Variants in PIDD1 observed in about 807,000 individuals in gnomAD.
PIDD1 encodes the protein p53-induced death domain-containing protein 1.
A neutral mutation model predicts 80.0 loss-of-function variants in PIDD1; 72 were observed. The ratio of observed to expected loss-of-function variants is 0.90; its 90% CI spans 0.74 to 1.09. The LOEUF (loss-of-function observed/expected upper bound fraction) is 1.09. Ranked by LOEUF, PIDD1 falls within the 50% of genes least tolerant of loss-of-function variation. The probability of loss-of-function intolerance (pLI) is 0.00; values close to 1 mark genes in which losing one functional copy is unlikely to be tolerated. For missense variants in PIDD1, 1,329 were observed against 1,228.3 expected (o/e 1.08, Z -1.23); for synonymous variants, 655 against 543.5 (o/e 1.21, Z -2.85).
chr11:802,374 A>T lies in PIDD1; in HGVS notation c.997T>A (p.Cys333Ser), dbSNP rs1346475443. Residue 333 changes from cysteine (C) to serine (S), a missense_variant, in exon 6 of 16, where the codon TGC becomes AGC. Coordinates refer to ENST00000347755, the MANE Select transcript of PIDD1 (RefSeq NM_145886.4). ...LDSFPVTPQG[C>S]SVTLACGVRL... Reference sequence around the variant, plus strand: ...ACGCCACAGGCCAGGGTCACTGAGCAGCCTTGAGGGGTCACAGGAAAGCTG... The same window carrying T: ...ACGCCACAGGCCAGGGTCACTGAGCTGCCTTGAGGGGTCACAGGAAAGCTG... 1 of 1,611,976 alleles carries T rather than the reference A, an allele frequency of 6.2e-7. No homozygotes were observed. The highest frequency in any genetic ancestry group is 8.5e-7 in the Non-Finnish European group (1 of 1,179,862).
chr11:807,778 A>AAAAT (rs1049386144), upstream of PIDD1, among the ~76,000 whole-genome samples: 10 of 152,218 alleles, frequency 6.6e-5, no homozygotes, highest in Non-Finnish European at 1.5e-4. Flanking sequence ...CTCAGTCTCA[A>AAAAT]AAATAAATAA....
Position 801,339 on chromosome 11 carries a change from C to G in PIDD1, c.1509G>C (p.Leu503=), listed in dbSNP as rs1379223159. 1.2e-6 allele frequency: 2 copies of G among 1,608,908 alleles called. No individual in the cohort carries two copies. Among genetic ancestry groups the G allele is most frequent in the Non-Finnish European group, 1.7e-6 (2 of 1,177,848 alleles). The part of the protein sequence containing the change: ...MQVVRMAGRE[L]QALLGEPEAA... ...CCTCTGGTTCTCCCAGGAGGGCCTG[C>G]AGCTCTCGGCCAGCCATGCGCACCA... The change falls in exon 9 of 16, where the codon CTG becomes CTC. Residue 503 remains leucine, a synonymous_variant. Coordinates refer to ENST00000347755, the MANE Select transcript of PIDD1 (RefSeq NM_145886.4).
At position 801,029 on chromosome 11, in the gene PIDD1, C is replaced by T. The variant is rs142782529; in HGVS notation, c.1722G>A (p.Glu574=). The T allele has an allele frequency of 8.4e-4, 1,354 of 1,602,452 alleles. 10 individuals carry two copies. In the African/African-American group the frequency reaches 0.016, roughly 19 times the overall value. The change falls in exon 10 of 16, where the codon GAG becomes GAA. Residue 574 remains glutamate, a synonymous_variant. Coordinates refer to ENST00000347755, the MANE Select transcript of PIDD1 (RefSeq NM_145886.4). ...GGAAGCGTGCGTACAGGTGGGTGAG[C>T]TCCAGGACCACCTGAGCTGTGATGT... ...WDDITAQVVL[E]LTHLYARFQV... is the part of the protein sequence containing the mutation.
At chr11:803,781 C>T (rs376349749) in intron 2 of PIDD1, 194 bp from the exon 3 acceptor site, 142 of 663,542 alleles carry the variant, frequency 2.1e-4, no homozygotes, top group African/African-American at 8.1e-4. Flanking sequence ...TGGAGACCAC[C>T]GGCTCATCTC....
Position 800,122 on chromosome 11 carries a change from C to T in PIDD1, c.2274+9G>A. 2 of 1,609,120 alleles carry T rather than the reference C, an allele frequency of 1.2e-6. No individual in the cohort carries two copies. Among genetic ancestry groups the T allele is most frequent in the Non-Finnish European group, 1.7e-6 (2 of 1,178,306 alleles). Reference sequence around the variant, plus strand: ...CCTGCCCCGCCCCTCTGCTGTCCCTCAGTCCCACCGGCAGCTTGATGGGCA... The same window carrying T: ...CCTGCCCCGCCCCTCTGCTGTCCCTTAGTCCCACCGGCAGCTTGATGGGCA... On this transcript the variant is annotated intron_variant, in intron 14 of 15. Transcript: ENST00000347755.
chr11:799,289 C>A lies in PIDD1; in HGVS notation c.*18G>T. ...ATCCACTGGGGAATATCTGGGCCAG[C>A]CTAAAAGTCTGTGGGGCCTAGGCCT... On this transcript the variant is annotated 3_prime_UTR_variant, in exon 16 of 16. Coordinates refer to ENST00000347755, the MANE Select transcript of PIDD1 (RefSeq NM_145886.4). 6.4e-7 allele frequency: 1 copy of A among 1,567,540 alleles called. No individual in the cohort carries two copies. The highest frequency in any genetic ancestry group is 8.6e-7 in the Non-Finnish European group (1 of 1,158,336).
upstream of PIDD1, chr11:805,832 G>A: frequency 3.4e-6 from 1 of 296,904 alleles, no homozygotes; most frequent in Non-Finnish European, 5.0e-6. Context: ...CGGGCGCGGT[G>A]GCTGACGCCT....
In PIDD1 at chr11:802,870, A is replaced by G. The variant is rs139688266; in HGVS notation, c.731T>C (p.Leu244Pro). The G allele has an allele frequency of 2.5e-6, 4 of 1,574,846 alleles. No homozygotes were observed. Among genetic ancestry groups the G allele is most frequent in the Admixed American group, 1.9e-5 (1 of 53,736 alleles). ...CAGGAGGTTGCTGTGCAGGACAAGG[A>G]GCCGCAAGGACCGAAGTCCCGCTGC... is the stretch of plus-strand genomic sequence containing the variant. ...ASLAGLRSLR[L>P]LVLHSNLLAS... is the part of the protein sequence containing the mutation. The change falls in exon 4 of 16, where the codon CTC (leucine) becomes CCC (proline). Residue 244 changes from leucine (L) to proline (P), a missense_variant. Coordinates refer to ENST00000347755, the MANE Select transcript of PIDD1 (RefSeq NM_145886.4).
At position 801,436 on chromosome 11, in the gene PIDD1, T is replaced by C; in HGVS notation, c.1482+9A>G. On this transcript the variant is annotated intron_variant, in intron 8 of 15. Transcript: ENST00000347755. ...CGGCCTGCCACCCTCAGTGCTGTCC[T>C]GGCCATACCTGCATGGAGACTCGAC... 2 of 1,553,286 alleles carry C rather than the reference T, an allele frequency of 1.3e-6. No individual in the cohort carries two copies. Among genetic ancestry groups the C allele is most frequent in the Non-Finnish European group, 1.7e-6 (2 of 1,147,908 alleles).
At chr11:806,120 C>T (rs1865760310), upstream of PIDD1, 1 of 146,738 alleles carries the variant, frequency 6.8e-6, no homozygotes, top group Non-Finnish European at 1.5e-5. Context: ...AAAAAAAAAT[C>T]AGATATTGCC....
chr11:799,506 C>T lies in PIDD1; in HGVS notation c.2534G>A (p.Gly845Glu). ...CAGGAGCCCCACAGCCCCTGGCTGC[C>T]CAGCCTGGCGCTCAGCCCAGGAGAA... ...MLFSWAERQA[G>E]QPGAVGLLVQ... Residue 845 changes from glycine to glutamate, a missense_variant, in exon 16 of 16, where the codon GGG becomes GAG. Coordinates refer to ENST00000347755, the MANE Select transcript of PIDD1 (RefSeq NM_145886.4). 1 of 1,606,916 alleles carries T rather than the reference C, an allele frequency of 6.2e-7. No individual in the cohort carries two copies. The highest frequency in any genetic ancestry group is 8.5e-7 in the Non-Finnish European group (1 of 1,179,798).
chr11:800,275 C>G (rs775871381), intron 13 of PIDD1, 31 bp from the exon 14 acceptor site: 1 of 1,611,732 alleles, frequency 6.2e-7, no homozygotes, highest in Admixed American at 1.7e-5. Flanking sequence ...GTTCGGAGTT[C>G]GGTCCTCTGC....
In PIDD1 at chr11:800,246, TG is replaced by T. The variant is rs1865153230; in HGVS notation, c.2161-3del. The T allele has an allele frequency of 6.2e-7, 1 of 1,610,946 alleles. No homozygotes were observed. Among genetic ancestry groups the T allele is most frequent in the Non-Finnish European group, 8.5e-7 (1 of 1,179,236 alleles). On this transcript the variant is annotated splice_region_variant and splice_polypyrimidine_tract_variant and intron_variant, in intron 13 of 15. Transcript: ENST00000347755. ...CACCGCGCCACGGTAGAAGGACACC[TG>T]AAGGGGCATCGAATGGGGTTCGGAG... is the stretch of plus-strand genomic sequence containing the variant.
Position 801,492 on chromosome 11 carries a change from T to C in PIDD1, c.1435A>G (p.Ile479Val), listed in dbSNP as rs34545228. ...CSSGHPGVKV[I>V]FPPGATEEPR... ...TCCTCAGTGGCCCCAGGGGGGAAGA[T>C]GACTTTGACCCCAGGATGACCCGAG... Residue 479 changes from isoleucine to valine, a missense_variant, in exon 8 of 16, where the codon ATC (isoleucine) becomes GTC (valine). Ile to Val is a conservative substitution (Grantham distance 29, BLOSUM62 3). Coordinates refer to ENST00000347755, the MANE Select transcript of PIDD1 (RefSeq NM_145886.4). 2.0e-3 allele frequency: 3,019 copies of C among 1,547,934 alleles called. 61 individuals are homozygous for C. In the African/African-American group the frequency reaches 0.034, roughly 17 times the overall value.
chr11:801,051 A>T lies in PIDD1; in HGVS notation c.1700T>A (p.Ile567Asn), dbSNP rs753301957. 1.2e-6 allele frequency: 2 copies of T among 1,600,896 alleles called. No homozygotes were observed. Among genetic ancestry groups the T allele is most frequent in the Non-Finnish European group, 8.5e-7 (1 of 1,174,110 alleles). The change falls in exon 10 of 16, where the codon ATC (isoleucine) becomes AAC (asparagine). Residue 567 changes from isoleucine (I) to asparagine (N), a missense_variant. Transcript: ENST00000347755. ...WAPPAATWDDITAQVVLELTH... is the reference protein window; with the variant it reads ...WAPPAATWDDNTAQVVLELTH... ...GAGCTCCAGGACCACCTGAGCTGTG[A>T]TGTCATCCCAGGTGGCTGCAGGAGG...
chr11:801,028 G>A lies in PIDD1; in HGVS notation c.1723C>T (p.Leu575Phe). The A allele has an allele frequency of 6.2e-7, 1 of 1,602,480 alleles. No individual in the cohort carries two copies. Among genetic ancestry groups the A allele is most frequent in the Non-Finnish European group, 8.5e-7 (1 of 1,175,102 alleles). ...TGGAAGCGTGCGTACAGGTGGGTGA[G>A]CTCCAGGACCACCTGAGCTGTGATG... ...DDITAQVVLELTHLYARFQVT... is the reference protein window; with the variant it reads ...DDITAQVVLEFTHLYARFQVT... The change falls in exon 10 of 16, where the codon CTC becomes TTC. Residue 575 changes from leucine (L) to phenylalanine (F), a missense_variant. Coordinates refer to ENST00000347755, the MANE Select transcript of PIDD1 (RefSeq NM_145886.4).
chr11:808,392 A>T (rs577179453), upstream of PIDD1, among the ~76,000 whole-genome samples: 756 of 151,042 alleles, frequency 5.0e-3, 9 homozygotes, highest in African/African-American at 0.018. Context: ...TCACCAGTGC[A>T]CTCCAACCTG....
chr11:799,995 C>T lies in PIDD1; in HGVS notation c.2294G>A (p.Gly765Glu), dbSNP rs1335167912. 6.2e-7 allele frequency: 1 copy of T among 1,612,802 alleles called. No individual in the cohort carries two copies. Among genetic ancestry groups the T allele is most frequent in the South Asian group, 1.1e-5 (1 of 91,086 alleles). The part of the protein sequence containing the change: ...IKLPRLRGSE[G>E]PRRGAGLSLA... ...GGAGAGGCCAGCCCCCCGCCGTGGC[C>T]CCTCGGACCCTCGAAGTCTCTGTTG... is the stretch of plus-strand genomic sequence containing the variant. The change falls in exon 15 of 16, where the codon GGG becomes GAG. Residue 765 changes from glycine (G) to glutamate (E), a missense_variant. Coordinates refer to ENST00000347755, the MANE Select transcript of PIDD1 (RefSeq NM_145886.4).
chr11:802,977 T>C, intron 3 of PIDD1, 86 bp from the exon 4 acceptor site: 1 of 1,214,892 alleles, frequency 8.2e-7, no homozygotes, highest in South Asian at 1.4e-5. Context: ...GAGCAGCTGT[T>C]TCAGACTCTC....
Sources: allele counts gnomAD v4.1 joint callset (sites outside exome capture counted in the v4.1 genomes callset), GRCh38; gene constraint gnomAD v4.1.1; transcripts MANE v1.5; gene names NCBI Gene and HGNC (gene_info 2026-07-23, HGNC 2026-07-21).